Variants in EMCN observed in about 807,000 individuals in gnomAD.
EMCN encodes MUC-14.
EMCN carries 37 observed loss-of-function variants against 38.4 expected under a neutral mutation model. The observed-to-expected ratio is 0.96, with a 90% CI of 0.74 to 1.27. EMCN has a LOEUF of 1.27. Among genes scored for constraint, EMCN ranks in the 50% most tolerant of loss-of-function variants. The pLI is 0.00. For synonymous variants in EMCN, 95 were observed against 100.8 expected, an observed-to-expected ratio of 0.94 and a Z score of 0.35; for missense variants, 318 against 302.8, an observed-to-expected ratio of 1.05 and a Z score of -0.37.
At chr4:100,496,908 G>C (rs1403395405) in intron 1 of EMCN, among the ~76,000 whole-genome samples, 2 of 152,038 alleles carry the variant, frequency 1.3e-5, no homozygotes, top group Non-Finnish European at 2.9e-5. Context: ...AATCAGTCAT[G>C]AAGGATTTTG....
chr4:100,409,757 G>C (rs1273174690), intron 11 of EMCN, among the ~76,000 whole-genome samples: 4 of 152,250 alleles, frequency 2.6e-5, no homozygotes, highest in African/African-American at 7.2e-5. Context: ...CCATATTCTG[G>C]TATGGTCCTT....
At chr4:100,453,117 A>G (rs1215456985) in intron 4 of EMCN, among the ~76,000 whole-genome samples, 1 of 151,856 alleles carries the variant, frequency 6.6e-6, no homozygotes. Context: ...CTAGGCAAGG[A>G]CTTCCTCTCT....
At chr4:100,443,492 C>G (rs1727580877) in intron 5 of EMCN, among the ~76,000 whole-genome samples, 1 of 152,194 alleles carries the variant, frequency 6.6e-6, no homozygotes, top group South Asian at 2.1e-4. Context: ...GTTGCTAGGG[C>G]AAAGGCTTAA....
At chr4:100,475,201 C>A in intron 2 of EMCN, 92 bp from the exon 3 acceptor site, 1 of 558,238 alleles carries the variant, frequency 1.8e-6, no homozygotes, top group Non-Finnish European at 3.0e-6. Context: ...GGTGGACTGG[C>A]ATTCTCCTTT....
intron 5 of EMCN, among the ~76,000 whole-genome samples, chr4:100,435,279 C>T (rs1476605585): frequency 6.6e-6 from 1 of 151,998 alleles, no homozygotes; most frequent in Non-Finnish European, 1.5e-5. Flanking sequence ...TTCATAATTG[C>T]TACAAAGAGA....
intron 4 of EMCN, among the ~76,000 whole-genome samples, chr4:100,460,111 G>T (rs77723604): frequency 4.6e-4 from 70 of 151,992 alleles, no homozygotes; most frequent in Admixed American, 1.3e-3. Flanking sequence ...TTTTGATAAT[G>T]GCCATTCTAA....
chr4:100,504,679 T>C (rs1163265165), intron 1 of EMCN, among the ~76,000 whole-genome samples: 1 of 152,240 alleles, frequency 6.6e-6, no homozygotes, highest in Non-Finnish European at 1.5e-5. Context: ...GGTCTAGCGG[T>C]GACGCCAGCG....
rs569168446 is a variant in EMCN at position 100,501,869 on chromosome 4, T to C, written c.64+15982A>G. On this transcript the variant is annotated intron_variant, in intron 1 of 11. Transcript: ENST00000296420. ...AATTCTAGTGGGTTTTTTTTTTTGA[T>C]AAGTTCTCATAAATACTGTACTTAA... is the stretch of plus-strand genomic sequence containing the variant. Among the ~76,000 whole-genome samples, 208 of 151,442 alleles carry C rather than the reference T, an allele frequency of 1.4e-3. 1 individual carries two copies. The highest frequency in any genetic ancestry group is 4.7e-3 in the African/African-American group (193 of 41,410).
chr4:100,501,741 G>A (rs565462291), intron 1 of EMCN, among the ~76,000 whole-genome samples: 6 of 151,780 alleles, frequency 4.0e-5, no homozygotes, highest in South Asian at 2.1e-4. Context: ...TTATGTTTCC[G>A]TAAATGGCAT....
chr4:100,457,295 C>T (rs1477933891), intron 4 of EMCN, among the ~76,000 whole-genome samples: 2 of 151,664 alleles, frequency 1.3e-5, no homozygotes, highest in African/African-American at 2.4e-5. Flanking sequence ...TATATGACTG[C>T]TTTTAATTTC....
intron 1 of EMCN, among the ~76,000 whole-genome samples, chr4:100,512,665 G>A (rs1002020465): frequency 1.2e-4 from 19 of 152,174 alleles, no homozygotes; most frequent in South Asian, 8.3e-4. Context: ...ATTTAGCTGG[G>A]CATGGTGGTG....
At chr4:100,507,150 T>A (rs555521897) in intron 1 of EMCN, among the ~76,000 whole-genome samples, 1 of 152,270 alleles carries the variant, frequency 6.6e-6, no homozygotes, top group East Asian at 1.9e-4. Flanking sequence ...CCCAGGATCA[T>A]TCAATGTTAA....
chr4:100,400,372 T>G (rs1183790297), intron 11 of EMCN, among the ~76,000 whole-genome samples: 2 of 152,006 alleles, frequency 1.3e-5, no homozygotes, highest in Non-Finnish European at 2.9e-5. Context: ...TTTTGTTTTT[T>G]GTTTTTTTTC....
Position 100,425,234 on chromosome 4 carries a change from C to T in EMCN, c.416-1830G>A, listed in dbSNP as rs17030124. On this transcript the variant is annotated intron_variant, in intron 5 of 11. Transcript: ENST00000296420. ...GGGAATTAACCTACAGTTTGAGAAG[C>T]TCTGTGTTTTAGCATGATCATATTG... Among the ~76,000 whole-genome samples, 607 of 151,194 alleles carry T rather than the reference C, an allele frequency of 4.0e-3. 7 individuals carry two copies. The highest frequency in any genetic ancestry group is 0.014 in the African/African-American group (595 of 41,134).
intron 11 of EMCN, among the ~76,000 whole-genome samples, chr4:100,409,731 G>C (rs1200961331): frequency 6.6e-6 from 1 of 152,156 alleles, no homozygotes; most frequent in Non-Finnish European, 1.5e-5. Context: ...TGGACCCAGA[G>C]AGAAAAATAT....
intron 10 of EMCN, among the ~76,000 whole-genome samples, chr4:100,415,253 T>C (rs183220452): frequency 1.3e-5 from 2 of 152,222 alleles, no homozygotes; most frequent in Non-Finnish European, 2.9e-5. Flanking sequence ...GTGATATCAA[T>C]GGTTTAAATG....
At chr4:100,417,199 A>G (rs1726761343) in intron 8 of EMCN, 58 bp from the exon 9 acceptor site, 3 of 1,531,150 alleles carry the variant, frequency 2.0e-6, no homozygotes, top group Admixed American at 1.7e-5. Flanking sequence ...CATAAATATG[A>G]GCAAGCCCCT....
chr4:100,414,747 C>T (rs1726666447), intron 10 of EMCN, among the ~76,000 whole-genome samples: 3 of 151,958 alleles, frequency 2.0e-5, no homozygotes, highest in African/African-American at 4.8e-5. Flanking sequence ...ATATCTTGCT[C>T]TTGATTTGGG....
chr4:100,413,105 A>T (rs2110211277), intron 10 of EMCN, among the ~76,000 whole-genome samples: 1 of 152,336 alleles, frequency 6.6e-6, no homozygotes, highest in Non-Finnish European at 1.5e-5. Context: ...TGAAGCAATG[A>T]CAGATTCAAA....
Sources: allele counts gnomAD v4.1 joint callset (sites outside exome capture counted in the v4.1 genomes callset), GRCh38; gene constraint gnomAD v4.1.1; transcripts MANE v1.5; gene names NCBI Gene and HGNC (gene_info 2026-07-23, HGNC 2026-07-21).